Variants in PIEZO2 observed in about 807,000 individuals in gnomAD.
The protein encoded by PIEZO2 is piezo-type mechanosensitive ion channel component 2.
A neutral mutation model predicts 337.3 loss-of-function variants in PIEZO2; 172 were observed. The observed-to-expected ratio is 0.51, with a 90% CI of 0.45 to 0.58. PIEZO2 has a LOEUF of 0.58. Among genes scored for constraint, PIEZO2 ranks in the 20% least tolerant of loss-of-function variants. The pLI is 0.00. For missense variants in PIEZO2, 3,028 were observed against 3,391.3 expected, an observed-to-expected ratio of 0.89 and a Z score of 2.66; for synonymous variants, 1,251 against 1,228.5, an observed-to-expected ratio of 1.02 and a Z score of -0.38.
chr18:11,046,817 G>A (rs1444016505), intron 2 of PIEZO2, among the ~76,000 whole-genome samples: 1 of 152,222 alleles, frequency 6.6e-6, no homozygotes, highest in Non-Finnish European at 1.5e-5. Context: ...CAGTGCTCCG[G>A]CAGCCAGGCT....
Position 10,748,677 on chromosome 18 carries a change from C to T in PIEZO2, c.4265-47G>A. 1 of 1,387,246 alleles carries T rather than the reference C, an allele frequency of 7.2e-7. No homozygotes were observed. Among genetic ancestry groups the T allele is most frequent in the Non-Finnish European group, 9.4e-7 (1 of 1,065,140 alleles). The allele number at this position is 1,387,246 out of a possible 1,614,324, so 85.9% of individuals were successfully genotyped here. On this transcript the variant is annotated intron_variant, in intron 29 of 55. Transcript: ENST00000674853. The surrounding 1 kb of genome is among the most constrained non-coding windows in gnomAD (Gnocchi z 5.1). ...ACACATTAAAATTAACATCCATTTTCATTGTAATTTTATAAAATCTGAGGT... is the reference window on the plus strand; with the variant it reads ...ACACATTAAAATTAACATCCATTTTTATTGTAATTTTATAAAATCTGAGGT...
chr18:10,822,127 T>C (rs1051256697), intron 7 of PIEZO2, among the ~76,000 whole-genome samples: 32 of 152,206 alleles, frequency 2.1e-4, no homozygotes, highest in African/African-American at 6.5e-4. Context: ...CACCACAATG[T>C]CATTGTGCTA....
chr18:10,780,667 A>AG, intron 17 of PIEZO2, among the ~76,000 whole-genome samples: 1 of 108,896 alleles, frequency 9.2e-6, no homozygotes, highest in South Asian at 3.3e-4. Context: ...TTTTTAAGGT[A>AG]CCTTTTTTTT....
At position 10,682,392 on chromosome 18, in the gene PIEZO2, G is replaced by GCCA; in HGVS notation, c.7498-101_7498-100insTGG. 9.3e-7 allele frequency: 1 copy of GCCA among 1,076,904 alleles called. No individual in the cohort carries two copies. The highest frequency in any genetic ancestry group is 2.7e-5 in the Admixed American group (1 of 36,948). The allele number at this position is 1,076,904 out of a possible 1,614,324, so 66.7% of individuals were successfully genotyped here. A position where few individuals can be genotyped will look rare whatever the true frequency, so the allele number is the denominator to read the frequency against. On this transcript the variant is annotated intron_variant, in intron 49 of 55. Transcript: ENST00000674853. This position sits in a 1 kb window ranked among gnomAD's most constrained non-coding sequence, Gnocchi z 5.6. ...GCGAGTGCTCTTCCTGTGGTGCTGGGAACATGGATTTGGCCCTGAATCTTC... is the reference window on the plus strand; with the variant it reads ...GCGAGTGCTCTTCCTGTGGTGCTGGGCCAAACATGGATTTGGCCCTGAATCTTC...
intron 2 of PIEZO2, among the ~76,000 whole-genome samples, chr18:11,058,539 C>T (rs1047452423): frequency 5.9e-5 from 9 of 152,148 alleles, no homozygotes; most frequent in Admixed American, 2.0e-4. Context: ...AAAAATTAGA[C>T]GAAAGGCTAA....
chr18:10,754,055 G>A (rs2037747181), intron 27 of PIEZO2, among the ~76,000 whole-genome samples: 1 of 152,166 alleles, frequency 6.6e-6, no homozygotes, highest in African/African-American at 2.4e-5. Context: ...GCCTGTGAGT[G>A]CAGCTTATTC....
intron 7 of PIEZO2, among the ~76,000 whole-genome samples, chr18:10,817,278 G>C (rs2144421897): frequency 6.6e-6 from 1 of 152,120 alleles, no homozygotes; most frequent in South Asian, 2.1e-4. Context: ...AGATATTTTA[G>C]GTAATATCAA....
intron 2 of PIEZO2, among the ~76,000 whole-genome samples, chr18:11,040,592 T>G (rs2037086934): frequency 6.6e-6 from 1 of 152,248 alleles, no homozygotes; most frequent in South Asian, 2.1e-4. Context: ...ATCATTCATA[T>G]AGAAAATACA....
intron 1 of PIEZO2, among the ~76,000 whole-genome samples, chr18:11,106,281 G>A (rs918428485): frequency 7.1e-6 from 1 of 140,692 alleles, no homozygotes; most frequent in Non-Finnish European, 1.5e-5. Context: ...TTTTTTTTTA[G>A]TAGAGACGGG....
intron 47 of PIEZO2, among the ~76,000 whole-genome samples, chr18:10,694,723 TG>T (rs2035007217): frequency 6.6e-6 from 1 of 152,210 alleles, no homozygotes; most frequent in African/African-American, 2.4e-5. Flanking sequence ...TATCCCCAGC[TG>T]CTCTGGAGGC....
At position 10,672,995 on chromosome 18, in the gene PIEZO2, G is replaced by A. The variant is rs2033846600; in HGVS notation, c.8162-122C>T. The A allele has an allele frequency of 5.2e-6, 4 of 769,912 alleles. No homozygotes were observed. The highest frequency in any genetic ancestry group is 8.3e-6 in the Non-Finnish European group (4 of 484,584). The allele number at this position is 769,912 out of a possible 1,614,324, so 47.7% of individuals were successfully genotyped here. A position where few individuals can be genotyped will look rare whatever the true frequency, so the allele number is the denominator to read the frequency against. On this transcript the variant is annotated intron_variant, in intron 54 of 55. Coordinates refer to ENST00000674853, the MANE Select transcript of PIEZO2 (RefSeq NM_001378183.1). This position sits in a 1 kb window ranked among gnomAD's most constrained non-coding sequence, Gnocchi z 4.7. ...TAGCATAAGGTTCTAGGATGAAAAG[G>A]ATGCATGGACATACTAGAAGCGTGA...
intron 7 of PIEZO2, among the ~76,000 whole-genome samples, chr18:10,808,457 C>A (rs2040069298): frequency 6.6e-6 from 1 of 152,204 alleles, no homozygotes; most frequent in African/African-American, 2.4e-5. Context: ...ATAGAATCTT[C>A]AAAGGCTGCA....
intron 1 of PIEZO2, among the ~76,000 whole-genome samples, chr18:11,147,779 G>A (rs983216755): frequency 5.9e-5 from 9 of 152,250 alleles, no homozygotes; most frequent in Non-Finnish European, 1.3e-4. Flanking sequence ...CTGGGGAAAC[G>A]GTGCAACGCT....
At chr18:11,019,542 C>G (rs2145704364) in intron 2 of PIEZO2, among the ~76,000 whole-genome samples, 1 of 152,262 alleles carries the variant, frequency 6.6e-6, no homozygotes, top group South Asian at 2.1e-4. Flanking sequence ...ACTGAAGTGT[C>G]TCCTACTTAG....
rs1224346758 is a variant in PIEZO2 at position 10,781,741 on chromosome 18, A to C, written c.2493-1375T>G. Among the ~76,000 whole-genome samples, 2 of 152,172 alleles carry C rather than the reference A, an allele frequency of 1.3e-5. No individual in the cohort carries two copies. Among genetic ancestry groups the C allele is most frequent in the African/African-American group, 4.8e-5 (2 of 41,440 alleles). ...TACACAAGTGACATGTGCCTACATT[A>C]CATCTGTGTGCATAAGCACATATAC... On this transcript the variant is annotated intron_variant, in intron 17 of 55. Transcript: ENST00000674853. The surrounding 1 kb of genome is among the most constrained non-coding windows in gnomAD (Gnocchi z 4.1).
In PIEZO2 at chr18:10,784,864, G is replaced by A; in HGVS notation, c.2412C>T (p.His804=). The A allele has an allele frequency of 6.5e-7, 1 of 1,537,748 alleles. No individual in the cohort carries two copies. The highest frequency in any genetic ancestry group is 8.7e-7 in the Non-Finnish European group (1 of 1,146,998). ...GGAACCGGTCATGGAAGTAGTGCAG[G>A]TGTAAAATGCACACCAGCAGAAAGG... is the stretch of plus-strand genomic sequence containing the variant. ...PTSFLLVCIL[H]LHYFHDRFLE... is the part of the protein sequence containing the mutation. The change falls in exon 17 of 56, where the codon CAC becomes CAT. Residue 804 remains histidine (H), a synonymous_variant. Coordinates refer to ENST00000674853, the MANE Select transcript of PIEZO2 (RefSeq NM_001378183.1). This position sits in a 1 kb window ranked among gnomAD's most constrained non-coding sequence, Gnocchi z 4.5.
chr18:10,900,774 A>G (rs903010060), intron 4 of PIEZO2, among the ~76,000 whole-genome samples: 4 of 152,164 alleles, frequency 2.6e-5, no homozygotes, highest in Non-Finnish European at 5.9e-5. Flanking sequence ...TCCAGAATGG[A>G]AAATAGACGT....
At position 10,807,186 on chromosome 18, in the gene PIEZO2, C is replaced by T. The variant is rs368601054; in HGVS notation, c.1006G>A (p.Ala336Thr). Residue 336 changes from alanine to threonine, a missense_variant, in exon 8 of 56, where the codon GCC becomes ACC. By Grantham distance (58) the Ala-to-Thr change is moderately conservative. Coordinates refer to ENST00000674853, the MANE Select transcript of PIEZO2 (RefSeq NM_001378183.1). ...VNPDLSWYHH[A>T]NPILLLVMYY... ...ATCACCAGCAGGAGGATAGGGTTGGCGTGGTGGTACCACGACAGGTCCGGG... is the reference window on the plus strand; with the variant it reads ...ATCACCAGCAGGAGGATAGGGTTGGTGTGGTGGTACCACGACAGGTCCGGG... The T allele has an allele frequency of 2.2e-4, 345 of 1,537,192 alleles. 5 individuals are homozygous for T. In the South Asian group the frequency reaches 2.9e-3, roughly 13 times the overall value.
intron 29 of PIEZO2, among the ~76,000 whole-genome samples, chr18:10,749,438 G>C (rs2037559752): frequency 6.6e-6 from 1 of 151,978 alleles, no homozygotes; most frequent in South Asian, 2.1e-4. Flanking sequence ...AGTTCAGCCT[G>C]GGTAACAGAG....
Sources: allele counts gnomAD v4.1 joint callset (sites outside exome capture counted in the v4.1 genomes callset), GRCh38; gene constraint gnomAD v4.1.1; non-coding constraint Gnocchi (gnomAD v3.1); transcripts MANE v1.5; gene names NCBI Gene and HGNC (gene_info 2026-07-23, HGNC 2026-07-21).